NAALADL2: variants seen among roughly 807,000 people sequenced by gnomAD.
NAALADL2 encodes N-acetylated alpha-linked acidic dipeptidase like 2.
NAALADL2 carries 76 observed loss-of-function variants against 87.2 expected under a neutral mutation model. The ratio of observed to expected loss-of-function variants is 0.87; its 90% CI spans 0.72 to 1.05. The LOEUF is 1.05. Ranked by LOEUF, NAALADL2 falls within the 50% of genes least tolerant of loss-of-function variation. The pLI, the probability that NAALADL2 is intolerant of heterozygous loss-of-function variation, is 0.00. For missense variants in NAALADL2, 1,089 were observed against 945.8 expected (o/e 1.15, Z -1.99); for synonymous variants, 354 against 331.0 (o/e 1.07, Z -0.75).
intron 1 of NAALADL2, among the ~76,000 whole-genome samples, chr3:175,038,033 C>A (rs1191773430): frequency 6.6e-6 from 1 of 152,074 alleles, no homozygotes; most frequent in Non-Finnish European, 1.5e-5. Flanking sequence ...TAGATTCTTA[C>A]AAGAGAGGAA....
At chr3:175,206,260 ATAT>A (rs1256969393) in intron 2 of NAALADL2, among the ~76,000 whole-genome samples, 27 of 92,656 alleles carry the variant, frequency 2.9e-4, no homozygotes, top group Middle Eastern at 5.3e-3. Flanking sequence ...ATATATATAT[ATAT>A]TTTTTTTTTT....
chr3:175,425,116 G>C lies in NAALADL2; in HGVS notation c.1091-22113G>C, dbSNP rs541355387. The stretch of plus-strand genomic sequence containing the variant: ...AAAGTCACAGATCAAATGATGATAT[G>C]GAATTTTCTGCCTTAGACTTCTGCT... On this transcript the variant is annotated intron_variant, in intron 5 of 13. Transcript: ENST00000454872. 1.3e-5 allele frequency among the ~76,000 whole-genome samples: 2 copies of C among 152,220 alleles called. 1 individual carries two copies. Among genetic ancestry groups the C allele is most frequent in the African/African-American group, 4.8e-5 (2 of 41,552 alleles).
chr3:174,582,640 G>A (rs1486172263), intron 2 of NAALADL2, among the ~76,000 whole-genome samples: 2 of 152,058 alleles, frequency 1.3e-5, no homozygotes, highest in Non-Finnish European at 2.9e-5. Context: ...GGAATGCAGT[G>A]GTGTGATCTC....
chr3:174,691,533 T>C (rs1385310990), intron 2 of NAALADL2, among the ~76,000 whole-genome samples: 1 of 152,174 alleles, frequency 6.6e-6, no homozygotes, highest in Non-Finnish European at 1.5e-5. Context: ...TGAAGGTTGA[T>C]GGCTGCTGAC....
At position 174,466,273 on chromosome 3, in the gene NAALADL2, A is replaced by ATT. The variant is rs1326538046; in HGVS notation, c.-184+25258_-184+25259dup. 1.7e-3 allele frequency among the ~76,000 whole-genome samples: 230 copies of ATT among 137,658 alleles called. 2 individuals are homozygous for ATT. The highest frequency in any genetic ancestry group is 5.8e-3 in the African/African-American group (217 of 37,434). 90.3% of individuals were successfully genotyped at this position (137,658 alleles called of 152,430 possible). On this transcript the variant is annotated intron_variant, in intron 1 of 3. Coordinates refer to the NAALADL2 transcript ENST00000434257. ...ATAAAGTTTCTTAAAACATTATGAG[A>ATT]TTTTTTTTTTTTTTTTTTGCTCATC...
At chr3:174,609,150 G>T (rs573899735) in intron 2 of NAALADL2, among the ~76,000 whole-genome samples, 4 of 152,132 alleles carry the variant, frequency 2.6e-5, no homozygotes, top group African/African-American at 9.7e-5. Flanking sequence ...ATTAGGTATT[G>T]ATGGGATGTA....
intron 1 of NAALADL2, among the ~76,000 whole-genome samples, chr3:174,931,250 A>G (rs1736847880): frequency 6.6e-6 from 1 of 152,138 alleles, no homozygotes; most frequent in Non-Finnish European, 1.5e-5. Context: ...CATGTAAAAT[A>G]ATGTAAAGTA....
At chr3:175,248,810 T>A (rs1447735844) in intron 3 of NAALADL2, among the ~76,000 whole-genome samples, 2 of 152,188 alleles carry the variant, frequency 1.3e-5, no homozygotes, top group Admixed American at 1.3e-4. Context: ...TATGATTTTT[T>A]ATAATCAACT....
In NAALADL2 at chr3:175,608,930, A is replaced by G. The variant is rs2149666553; in HGVS notation, c.1801-18361A>G. On this transcript the variant is annotated intron_variant, in intron 10 of 13. Transcript: ENST00000454872. ...AACAAAATAAATGCTGATGTGTACC[A>G]CTATTCTGAGCTATCACCATAAAAC... is the stretch of plus-strand genomic sequence containing the variant. Among the ~76,000 whole-genome samples the G allele has an allele frequency of 1.3e-5, 2 of 149,428 alleles. 1 individual carries two copies. The highest frequency in any genetic ancestry group is 4.2e-4 in the South Asian group (2 of 4,740).
chr3:175,771,067 A>C (rs927545852), intron 13 of NAALADL2, among the ~76,000 whole-genome samples: 2 of 152,174 alleles, frequency 1.3e-5, no homozygotes, highest in African/African-American at 4.8e-5. Flanking sequence ...TATGTAGTAA[A>C]ATATTTTTCT....
chr3:174,959,069 G>T (rs1466542088), intron 1 of NAALADL2, among the ~76,000 whole-genome samples: 1 of 152,024 alleles, frequency 6.6e-6, no homozygotes, highest in Non-Finnish European at 1.5e-5. Flanking sequence ...GAATTTGGTG[G>T]ACATCTGCTT....
Position 175,409,279 on chromosome 3 carries a change from T to A in NAALADL2, c.1091-37950T>A, listed in dbSNP as rs545363056. On this transcript the variant is annotated intron_variant, in intron 5 of 13. Transcript: ENST00000454872. ...AGATTCTCTTTTTTACTTGTTACTT[T>A]AAAAAAAAAGAAAGAAAATAAATAT... Among the ~76,000 whole-genome samples the A allele has an allele frequency of 1.2e-4, 18 of 151,040 alleles. No homozygotes were observed. In the South Asian group the frequency reaches 2.1e-3, roughly 17 times the overall value.
At chr3:174,757,053 T>G (rs1449221518) in intron 3 of NAALADL2, among the ~76,000 whole-genome samples, 1 of 152,244 alleles carries the variant, frequency 6.6e-6, no homozygotes, top group African/African-American at 2.4e-5. Context: ...ATTGTCAGTA[T>G]GCAGTATTCA....
At chr3:175,306,602 C>T (rs1042572144) in intron 4 of NAALADL2, among the ~76,000 whole-genome samples, 5 of 152,030 alleles carry the variant, frequency 3.3e-5, no homozygotes, top group African/African-American at 1.2e-4. Flanking sequence ...ATGAGGTAGG[C>T]GGATCACGAG....
chr3:175,220,643 G>A (rs2109345949), intron 2 of NAALADL2, among the ~76,000 whole-genome samples: 1 of 152,006 alleles, frequency 6.6e-6, no homozygotes, highest in East Asian at 1.9e-4. Context: ...TATATAGCCA[G>A]TAATTCCCTT....
At chr3:175,459,178 G>T (rs1722755205) in intron 6 of NAALADL2, among the ~76,000 whole-genome samples, 1 of 151,908 alleles carries the variant, frequency 6.6e-6, no homozygotes, top group Non-Finnish European at 1.5e-5. Context: ...CATGGTATAA[G>T]AACTTAAAAT....
chr3:174,950,561 T>C (rs533850116), intron 1 of NAALADL2, among the ~76,000 whole-genome samples: 9 of 152,262 alleles, frequency 5.9e-5, no homozygotes, highest in Non-Finnish European at 1.3e-4. Context: ...TGGGCTTTGA[T>C]ACTTTTGAAA....
intron 1 of NAALADL2, among the ~76,000 whole-genome samples, chr3:174,877,957 G>C (rs1728710115): frequency 6.6e-6 from 1 of 152,070 alleles, no homozygotes; most frequent in South Asian, 2.1e-4. Flanking sequence ...TGTAGTTAGA[G>C]ATGGTGGCTT....
chr3:174,944,131 G>T (rs569436794), intron 1 of NAALADL2, among the ~76,000 whole-genome samples: 1 of 152,258 alleles, frequency 6.6e-6, no homozygotes, highest in East Asian at 1.9e-4. Context: ...ACCAGTGAAG[G>T]CTGTGAAACA....
Sources: gnomAD v4.1 joint callset for allele counts (sites outside exome capture counted in the v4.1 genomes callset) on GRCh38, gnomAD v4.1.1 for gene constraint, MANE v1.5 for transcripts, NCBI Gene and HGNC (gene_info 2026-07-23, HGNC 2026-07-21) for gene names.